Variants in DCAF8L2 observed in about 807,000 individuals in gnomAD.
DCAF8L2 encodes the protein DDB1 and CUL4 associated factor 8 like 2.
For synonymous variants in DCAF8L2, 200 were observed against 190.9 expected (o/e 1.05, Z -0.39); for missense variants, 430 against 490.7 (o/e 0.88, Z 1.17).
intron 4 of DCAF8L2, among the ~76,000 whole-genome samples, chrX:27,726,645 G>T (rs895553358): frequency 9.0e-6 from 1 of 111,119 alleles, no homozygotes; most frequent in Non-Finnish European, 1.9e-5. Context: ...TTCCTGTTTT[G>T]GAACACTTTA....
the DCAF8L2 span, among the ~76,000 whole-genome samples, chrX:27,495,860 G>C: frequency 9.0e-6 from 1 of 111,467 alleles, no homozygotes; most frequent in Non-Finnish European, 1.9e-5. Flanking sequence ...TATTTCTTGT[G>C]GTTTTTATTA....
chrX:27,529,223 A>C, the DCAF8L2 span, among the ~76,000 whole-genome samples: 1 of 111,759 alleles, frequency 8.9e-6, no homozygotes, highest in Admixed American at 9.6e-5. Context: ...ATTGCAGTAT[A>C]ATCTTGCCCA....
At chrX:27,520,782 TTATC>T in the DCAF8L2 span, among the ~76,000 whole-genome samples, 1 of 112,006 alleles carries the variant, frequency 8.9e-6, no homozygotes, top group South Asian at 3.7e-4. Context: ...GTCTCTATTG[TTATC>T]TATCTAAATT....
At chrX:27,701,176 C>A (rs1931116260) in intron 3 of DCAF8L2, among the ~76,000 whole-genome samples, 1 of 110,975 alleles carries the variant, frequency 9.0e-6, no homozygotes, top group Non-Finnish European at 1.9e-5. Flanking sequence ...TAATTCAACA[C>A]CAAGATCCTA....
chrX:27,542,603 C>T, the DCAF8L2 span, among the ~76,000 whole-genome samples: 9 of 76,531 alleles, frequency 1.2e-4, no homozygotes, highest in Non-Finnish European at 2.0e-4. Flanking sequence ...AGTGCAGTGG[C>T]GGGATCTCGG....
At chrX:27,615,524 A>AATCAATCTATCT (rs1555919234) in intron 1 of DCAF8L2, among the ~76,000 whole-genome samples, 10 of 104,430 alleles carry the variant, frequency 9.6e-5, no homozygotes, top group African/African-American at 1.4e-4. Context: ...AGATTCTATC[A>AATCAATCTATCT]ATCTATCTAT....
chrX:27,518,828 T>A, the DCAF8L2 span: 2 of 526,052 alleles, frequency 3.8e-6, no homozygotes, highest in South Asian at 5.6e-5. Flanking sequence ...GCTTTGAGTC[T>A]GAATATTTAT....
the DCAF8L2 span, among the ~76,000 whole-genome samples, chrX:27,545,520 T>C: frequency 8.9e-6 from 1 of 111,769 alleles, no homozygotes; most frequent in Non-Finnish European, 1.9e-5. Flanking sequence ...CCAAATCTTA[T>C]GTTGAATTGT....
chrX:27,614,154 T>C lies in DCAF8L2; in HGVS notation c.-341-17725T>C, dbSNP rs1018213201. 3.0e-3 allele frequency among the ~76,000 whole-genome samples: 339 copies of C among 111,260 alleles called. 2 individuals carry two copies. Among genetic ancestry groups the C allele is most frequent in the Non-Finnish European group, 5.0e-3 (263 of 53,063 alleles). Reference sequence around the variant, plus strand: ...AGCCTGTTATTGGTCTATTCAGGGATTCAACTTCTTCCTGGTTTAGTCTTG... The same window carrying C: ...AGCCTGTTATTGGTCTATTCAGGGACTCAACTTCTTCCTGGTTTAGTCTTG... On this transcript the variant is annotated intron_variant, in intron 1 of 4. Coordinates refer to ENST00000451261, the MANE Select transcript of DCAF8L2 (RefSeq NM_001353450.2).
chrX:27,727,025 T>A (rs1932093448), intron 4 of DCAF8L2, among the ~76,000 whole-genome samples: 1 of 112,005 alleles, frequency 8.9e-6, no homozygotes, highest in African/African-American at 3.2e-5. Context: ...CCACACACCC[T>A]AATAAGAAGT....
intron 3 of DCAF8L2, among the ~76,000 whole-genome samples, chrX:27,689,245 T>C (rs1930622122): frequency 8.9e-6 from 1 of 112,230 alleles, no homozygotes; most frequent in South Asian, 3.7e-4. Flanking sequence ...ACTGATTGAT[T>C]GATTGATTGA....
intron 2 of DCAF8L2, among the ~76,000 whole-genome samples, chrX:27,676,165 G>C (rs1930133034): frequency 9.0e-6 from 1 of 111,096 alleles, no homozygotes; most frequent in Non-Finnish European, 1.9e-5. Context: ...TACCACAATT[G>C]AGTACTCTGT....
At chrX:27,680,059 A>T (rs1186001283) in intron 3 of DCAF8L2, among the ~76,000 whole-genome samples, 1 of 111,843 alleles carries the variant, frequency 8.9e-6, no homozygotes, top group African/African-American at 3.2e-5. Flanking sequence ...TAGTAAAAAA[A>T]CTATCTCTCT....
chrX:27,596,035 C>T (rs1255691049), intron 1 of DCAF8L2, among the ~76,000 whole-genome samples: 4 of 111,349 alleles, frequency 3.6e-5, no homozygotes, highest in Non-Finnish European at 7.5e-5. Context: ...TCCAAAAAAA[C>T]AAAACAAAAC....
chrX:27,591,016 A>ATATATATATATATATATATATAT (rs1569153314), intron 1 of DCAF8L2, among the ~76,000 whole-genome samples: 20 of 44,729 alleles, frequency 4.5e-4, no homozygotes, highest in African/African-American at 7.5e-4. Flanking sequence ...TATATATATA[A>ATATATATATATATATATATATAT]ATAAATAATT....
At chrX:27,617,629 TA>T (rs1225345706) in intron 1 of DCAF8L2, among the ~76,000 whole-genome samples, 1 of 111,391 alleles carries the variant, frequency 9.0e-6, no homozygotes, top group Non-Finnish European at 1.9e-5. Flanking sequence ...TATCCCTTTT[TA>T]TAAGTTTCTG....
At chrX:27,528,953 C>T in the DCAF8L2 span, among the ~76,000 whole-genome samples, 3 of 111,294 alleles carry the variant, frequency 2.7e-5, no homozygotes, top group Admixed American at 2.9e-4. Flanking sequence ...ACTTTCCTGC[C>T]CTATGATTAC....
intron 1 of DCAF8L2, among the ~76,000 whole-genome samples, chrX:27,606,420 G>C (rs746706485): frequency 1.2e-3 from 100 of 84,133 alleles, no homozygotes; most frequent in Middle Eastern, 7.1e-3. Flanking sequence ...GCCCAGGCTG[G>C]AGTACAGTGG....
chrX:27,529,660 C>T, the DCAF8L2 span, among the ~76,000 whole-genome samples: 3 of 111,782 alleles, frequency 2.7e-5, no homozygotes, highest in Non-Finnish European at 5.6e-5. Flanking sequence ...TATTTTTAAG[C>T]AATACTTTGA....
Sources: gnomAD v4.1 joint callset for allele counts (sites outside exome capture counted in the v4.1 genomes callset) on GRCh38, gnomAD v4.1.1 for gene constraint, MANE v1.5 for transcripts, NCBI Gene and HGNC (gene_info 2026-07-23, HGNC 2026-07-21) for gene names.